Variants in GRM8 observed in about 807,000 individuals in gnomAD.
The protein encoded by GRM8 is glutamate metabotropic receptor 8.
GRM8 carries 47 observed loss-of-function variants against 87.2 expected under a neutral mutation model. The ratio of observed to expected loss-of-function variants is 0.54; its 90% CI spans 0.43 to 0.69. The LOEUF is 0.69. Ranked by LOEUF, GRM8 falls within the 30% of genes least tolerant of loss-of-function variation. The pLI is 0.00. For synonymous variants in GRM8, 396 were observed against 404.5 expected (o/e 0.98, Z 0.25); for missense variants, 1,019 against 1,139.2 (o/e 0.89, Z 1.52).
chr7:127,003,364 A>C (rs1480718871), intron 3 of GRM8, among the ~76,000 whole-genome samples: 2 of 151,762 alleles, frequency 1.3e-5, no homozygotes, highest in African/African-American at 4.8e-5. Context: ...AGGACTGCTT[A>C]AAAGAACATG....
intron 6 of GRM8, among the ~76,000 whole-genome samples, chr7:126,814,915 C>A (rs1348406373): frequency 6.6e-6 from 1 of 151,994 alleles, no homozygotes; most frequent in Non-Finnish European, 1.5e-5. Context: ...TCCACTTGTA[C>A]CTACATGGAC....
intron 6 of GRM8, among the ~76,000 whole-genome samples, chr7:126,890,001 T>C (rs1475091773): frequency 1.3e-5 from 2 of 152,134 alleles, no homozygotes; most frequent in Non-Finnish European, 2.9e-5. Context: ...CTGTCCAATA[T>C]GATAGTCATT....
chr7:127,119,627 T>A (rs1437571036), intron 2 of GRM8, among the ~76,000 whole-genome samples: 1 of 152,160 alleles, frequency 6.6e-6, no homozygotes, highest in Admixed American at 6.5e-5. Context: ...AACAAACCTA[T>A]GAAAGGCTAT....
chr7:126,948,517 T>C (rs1036832629), intron 3 of GRM8, among the ~76,000 whole-genome samples: 1 of 150,456 alleles, frequency 6.6e-6, no homozygotes, highest in African/African-American at 2.5e-5. Context: ...AGTTTTGACT[T>C]TTGTCTAGGG....
At chr7:126,948,812 T>C (rs1243923904) in intron 3 of GRM8, among the ~76,000 whole-genome samples, 1 of 152,184 alleles carries the variant, frequency 6.6e-6, no homozygotes, top group Admixed American at 6.5e-5. Flanking sequence ...CTACTGCCAC[T>C]CATGGCTGGC....
At chr7:126,668,371 G>A (rs1241069698) in intron 7 of GRM8, among the ~76,000 whole-genome samples, 2 of 152,118 alleles carry the variant, frequency 1.3e-5, no homozygotes, top group Non-Finnish European at 2.9e-5. Flanking sequence ...AGTGAAATGG[G>A]GACTGAAACT....
chr7:127,051,313 A>G (rs1199136528), intron 3 of GRM8, among the ~76,000 whole-genome samples: 1 of 146,954 alleles, frequency 6.8e-6, no homozygotes, highest in Non-Finnish European at 1.5e-5. Context: ...CCACTTCTTC[A>G]GCAGTGTTTC....
At chr7:126,629,767 T>C (rs1585284302) in intron 7 of GRM8, among the ~76,000 whole-genome samples, 1 of 152,174 alleles carries the variant, frequency 6.6e-6, no homozygotes, top group African/African-American at 2.4e-5. Flanking sequence ...GAATTGTCTA[T>C]GTTACTATGG....
At chr7:126,573,831 T>C (rs1294769335) in intron 8 of GRM8, among the ~76,000 whole-genome samples, 2 of 152,092 alleles carry the variant, frequency 1.3e-5, no homozygotes, top group Non-Finnish European at 2.9e-5. Flanking sequence ...AGGTGATCCA[T>C]CCACCTTGGC....
At chr7:127,012,988 A>G (rs545771758) in intron 3 of GRM8, among the ~76,000 whole-genome samples, 48 of 152,266 alleles carry the variant, frequency 3.2e-4, no homozygotes, top group African/African-American at 1.1e-3. Context: ...GGGACGAGAA[A>G]CAGCTTGGGG....
At chr7:126,507,107 G>A (rs936489642) in intron 9 of GRM8, among the ~76,000 whole-genome samples, 2 of 151,610 alleles carry the variant, frequency 1.3e-5, no homozygotes, top group African/African-American at 2.4e-5. Flanking sequence ...GTGGCAATAT[G>A]CTTTCTTGTG....
chr7:126,751,198 C>A (rs1816372999), intron 7 of GRM8, among the ~76,000 whole-genome samples: 1 of 151,870 alleles, frequency 6.6e-6, no homozygotes, highest in Admixed American at 6.6e-5. Flanking sequence ...CTAAATAAGG[C>A]CACAAAATGA....
intron 3 of GRM8, among the ~76,000 whole-genome samples, chr7:127,073,516 C>A (rs550328790): frequency 1.3e-5 from 2 of 152,272 alleles, no homozygotes; most frequent in South Asian, 4.1e-4. Context: ...CTCTGCATCA[C>A]CCACAAGACT....
chr7:126,618,182 T>C (rs1256356197), intron 7 of GRM8, among the ~76,000 whole-genome samples: 3 of 152,036 alleles, frequency 2.0e-5, no homozygotes, highest in Admixed American at 1.3e-4. Flanking sequence ...AACAGAGATA[T>C]AGACCAATGG....
chr7:127,227,851 A>G (rs2237808), intron 2 of GRM8, among the ~76,000 whole-genome samples: 90,025 of 152,070 alleles, frequency 0.59, 29,467 homozygotes, highest in African/African-American at 0.89. Context: ...ATGGGGTCAC[A>G]GGCAGTCAGA....
intron 7 of GRM8, among the ~76,000 whole-genome samples, chr7:126,736,707 T>C (rs1054535258): frequency 6.6e-6 from 1 of 152,098 alleles, no homozygotes; most frequent in African/African-American, 2.4e-5. Flanking sequence ...CTTTTTCATA[T>C]GAAACCAAAT....
At chr7:126,961,716 TGAAG>T (rs377688577) in intron 3 of GRM8, among the ~76,000 whole-genome samples, 196 of 152,334 alleles carry the variant, frequency 1.3e-3, no homozygotes, top group Middle Eastern at 6.8e-3. Context: ...CCCAGGAGCC[TGAAG>T]GAAAGCACTT....
intron 8 of GRM8, among the ~76,000 whole-genome samples, chr7:126,595,371 G>GTATTTTATTT (rs146479444): frequency 0.011 from 1,492 of 133,738 alleles, 12 homozygotes; most frequent in African/African-American, 0.025. Flanking sequence ...GCTAATTCTG[G>GTATTTTATTT]TATTTTATTT....
intron 7 of GRM8, among the ~76,000 whole-genome samples, chr7:126,706,694 A>G (rs1371575830): frequency 6.6e-6 from 1 of 152,192 alleles, no homozygotes; most frequent in Non-Finnish European, 1.5e-5. Flanking sequence ...ACATTAGGTC[A>G]ACTCTCAGAA....
Sources: allele counts gnomAD v4.1 joint callset (sites outside exome capture counted in the v4.1 genomes callset), GRCh38; gene constraint gnomAD v4.1.1; transcripts MANE v1.5; gene names NCBI Gene and HGNC (gene_info 2026-07-23, HGNC 2026-07-21).